Variants in LOC128125817 observed in about 807,000 individuals in gnomAD.
chr1:41,586,375 T>C, the LOC128125817 span, among the ~76,000 whole-genome samples: 1 of 152,228 alleles, frequency 6.6e-6, no homozygotes, highest in Non-Finnish European at 1.5e-5. Context: ...ATCATGAAGA[T>C]GGCTTACTGA....
chr1:41,617,698 G>A, the LOC128125817 span, among the ~76,000 whole-genome samples: 73,693 of 152,058 alleles, frequency 0.48, 18,083 homozygotes, highest in Non-Finnish European at 0.51. Context: ...AACCAAGTAG[G>A]TAGGATTCAG....
At chr1:41,609,586 GCT>G in the LOC128125817 span, among the ~76,000 whole-genome samples, 1 of 152,200 alleles carries the variant, frequency 6.6e-6, no homozygotes, top group Non-Finnish European at 1.5e-5. Flanking sequence ...TTGCTCAAAG[GCT>G]GTCTCCAATC....
At chr1:41,601,138 A>C in the LOC128125817 span, among the ~76,000 whole-genome samples, 3 of 152,090 alleles carry the variant, frequency 2.0e-5, no homozygotes, top group East Asian at 5.8e-4. Context: ...TCAGTACCAT[A>C]CTGTTTTGAT....
At chr1:41,609,739 G>A in the LOC128125817 span, among the ~76,000 whole-genome samples, 21 of 152,316 alleles carry the variant, frequency 1.4e-4, no homozygotes, top group East Asian at 3.3e-3. Context: ...CAGAACACAC[G>A]CCGTTCCCAA....
chr1:41,615,074 C>T, the LOC128125817 span, among the ~76,000 whole-genome samples: 6 of 152,136 alleles, frequency 3.9e-5, no homozygotes, highest in Admixed American at 1.3e-4. Flanking sequence ...TGGTGACCAC[C>T]GTTACAAGTT....
At chr1:41,619,410 T>C in the LOC128125817 span, among the ~76,000 whole-genome samples, 1 of 152,372 alleles carries the variant, frequency 6.6e-6, no homozygotes, top group Non-Finnish European at 1.5e-5. Context: ...CATACACTTA[T>C]GTTTTTAAGA....
the LOC128125817 span, among the ~76,000 whole-genome samples, chr1:41,586,069 A>T: frequency 1.4e-3 from 206 of 152,338 alleles, 1 homozygote; most frequent in African/African-American, 4.8e-3. Flanking sequence ...TGATCCAAGC[A>T]ATTGCCAGGA....
the LOC128125817 span, among the ~76,000 whole-genome samples, chr1:41,610,085 C>G: frequency 6.6e-6 from 1 of 152,234 alleles, no homozygotes; most frequent in East Asian, 1.9e-4. Flanking sequence ...GGATCTCCAG[C>G]CTGCTGGCCC....
the LOC128125817 span, among the ~76,000 whole-genome samples, chr1:41,622,885 A>G: frequency 5.9e-5 from 9 of 152,216 alleles, no homozygotes; most frequent in Non-Finnish European, 1.3e-4. Context: ...AAGAGTTGCT[A>G]TGTGCCCACA....
At chr1:41,590,157 T>C in the LOC128125817 span, among the ~76,000 whole-genome samples, 2 of 152,208 alleles carry the variant, frequency 1.3e-5, no homozygotes, top group Non-Finnish European at 2.9e-5. Flanking sequence ...ACAAGCCAGA[T>C]ATAAGCATAT....
At chr1:41,619,280 T>C in the LOC128125817 span, among the ~76,000 whole-genome samples, 2 of 152,248 alleles carry the variant, frequency 1.3e-5, no homozygotes, top group Admixed American at 1.3e-4. Flanking sequence ...CCGTCCTGAC[T>C]GCCTGATTTC....
chr1:41,604,391 T>C, the LOC128125817 span, among the ~76,000 whole-genome samples: 4 of 152,168 alleles, frequency 2.6e-5, no homozygotes, highest in Non-Finnish European at 4.4e-5. Flanking sequence ...ATCTTACAGA[T>C]ATAATAATAA....
At chr1:41,617,899 T>C in the LOC128125817 span, among the ~76,000 whole-genome samples, 1 of 152,210 alleles carries the variant, frequency 6.6e-6, no homozygotes, top group African/African-American at 2.4e-5. Flanking sequence ...CAGTGTCTTC[T>C]TTTACAAAAG....
At chr1:41,613,989 C>A in the LOC128125817 span, among the ~76,000 whole-genome samples, 1 of 152,208 alleles carries the variant, frequency 6.6e-6, no homozygotes, top group Non-Finnish European at 1.5e-5. Flanking sequence ...TCAGTGTTTC[C>A]TGGTGTTTCT....
the LOC128125817 span, among the ~76,000 whole-genome samples, chr1:41,597,925 C>T: frequency 1.3e-5 from 2 of 152,328 alleles, no homozygotes; most frequent in African/African-American, 4.8e-5. Flanking sequence ...AATTCACCTA[C>T]TAAGTTATCT....
At chr1:41,628,444 T>C in the LOC128125817 span, among the ~76,000 whole-genome samples, 4 of 152,218 alleles carry the variant, frequency 2.6e-5, no homozygotes, top group East Asian at 7.7e-4. Flanking sequence ...CTGTGGCCCT[T>C]TGAGAGGAGC....
the LOC128125817 span, among the ~76,000 whole-genome samples, chr1:41,612,809 T>C: frequency 6.6e-6 from 1 of 152,220 alleles, no homozygotes; most frequent in Non-Finnish European, 1.5e-5. Flanking sequence ...GGTACCACAG[T>C]GCCAGCCCCT....
chr1:41,596,226 G>A, the LOC128125817 span, among the ~76,000 whole-genome samples: 1 of 152,216 alleles, frequency 6.6e-6, no homozygotes, highest in African/African-American at 2.4e-5. Context: ...GTCAGTGACT[G>A]CCCTCTGAAA....
chr1:41,614,938 C>T, the LOC128125817 span, among the ~76,000 whole-genome samples: 1 of 152,208 alleles, frequency 6.6e-6, no homozygotes, highest in East Asian at 1.9e-4. Flanking sequence ...AAGTCATCCT[C>T]CCAATACTTC....
Sources: gnomAD v4.1 joint callset for allele counts (sites outside exome capture counted in the v4.1 genomes callset) on GRCh38, gnomAD v4.1.1 for gene constraint, MANE v1.5 for transcripts.